Variants in XDH observed in about 807,000 individuals in gnomAD.
XDH encodes xanthine dehydrogenase, also known as xanthine dehydrogenase/oxidase.
In XDH, 138 loss-of-function variants were observed where a neutral mutation model predicts 156.1. That is an observed-to-expected ratio of 0.88 (90% CI 0.77 to 1.02). XDH has a LOEUF of 1.02. Ranked by LOEUF, XDH falls within the 50% of genes least tolerant of loss-of-function variation. The pLI, the probability that XDH is intolerant of heterozygous loss-of-function variation, is 0.00. For missense variants in XDH, 1,849 were observed against 1,684.9 expected (o/e 1.10, Z -1.71); for synonymous variants, 669 against 625.7 (o/e 1.07, Z -1.03).
At position 31,367,969 on chromosome 2, in the gene XDH, A is replaced by G; in HGVS notation, c.2189T>C (p.Val730Ala). 1.9e-6 allele frequency: 3 copies of G among 1,614,082 alleles called. No individual in the cohort carries two copies. Among genetic ancestry groups the G allele is most frequent in the Non-Finnish European group, 2.5e-6 (3 of 1,179,984 alleles). ...GCATGGAACAGCTCTACCTGACACA[A>G]CATTATCTGCTTCGGAAAACCCCTT... ...LKKGFSEADN[V>A]VSGEIYIGGQ... The change falls in exon 20 of 36, where the codon GTT becomes GCT. Residue 730 changes from valine (V) to alanine (A), a missense_variant. Transcript: ENST00000379416.
rs999346409 is a variant in XDH, at chr2:31,386,620, G to A, written c.652-65C>T. On this transcript the variant is annotated intron_variant, in intron 8 of 35. Transcript: ENST00000379416. ...CCTACTGTCATTCCTCTTATAAATTGCTTTAAGTCCTCAATGGGATGTTTT... is the reference window on the plus strand; with the variant it reads ...CCTACTGTCATTCCTCTTATAAATTACTTTAAGTCCTCAATGGGATGTTTT... 4.4e-6 allele frequency: 7 copies of A among 1,605,952 alleles called. No homozygotes were observed. The African/African-American group carries it at 9.4e-5, about 21-fold the overall frequency.
At position 31,386,500 on chromosome 2, in the gene XDH, C is replaced by G. The variant is rs759795029; in HGVS notation, c.707G>C (p.Trp236Ser). The G allele has an allele frequency of 1.2e-6, 2 of 1,614,114 alleles. No homozygotes were observed. The highest frequency in any genetic ancestry group is 1.7e-6 in the Non-Finnish European group (2 of 1,180,024). Residue 236 changes from tryptophan (W) to serine (S), a missense_variant, in exon 9 of 36, where the codon TGG (tryptophan) becomes TCG (serine). Trp to Ser is a radical substitution (Grantham distance 177, BLOSUM62 -3). Coordinates refer to ENST00000379416, the MANE Select transcript of XDH (RefSeq NM_000379.4). Reference protein sequence around the residue: ...QLRFEGERVTWIQASTLKELL... With the variant: ...QLRFEGERVTSIQASTLKELL... ...CTCCTTGAGGGTTGAGGCCTGTATCCACGTCACACGCTCCCCTTCAAATCG... is the reference window on the plus strand; with the variant it reads ...CTCCTTGAGGGTTGAGGCCTGTATCGACGTCACACGCTCCCCTTCAAATCG...
At chr2:31,413,584 G>A (rs1457570573) in intron 1 of XDH, among the ~76,000 whole-genome samples, 1 of 152,188 alleles carries the variant, frequency 6.6e-6, no homozygotes, top group African/African-American at 2.4e-5. Context: ...GTCCAGTGAA[G>A]CACATTATTG....
chr2:31,359,444 G>A (rs1353314866), intron 24 of XDH, among the ~76,000 whole-genome samples: 3 of 150,964 alleles, frequency 2.0e-5, no homozygotes, highest in East Asian at 1.9e-4. Context: ...CATCACAAGC[G>A]CCAGTGATGC....
intron 13 of XDH, among the ~76,000 whole-genome samples, chr2:31,378,118 G>GAAA (rs1686313538): frequency 2.7e-5 from 1 of 37,146 alleles, no homozygotes; most frequent in Non-Finnish European, 5.7e-5. Flanking sequence ...AAGGAAGGAA[G>GAAA]GAAGGAAGGA....
intron 26 of XDH, among the ~76,000 whole-genome samples, chr2:31,349,433 TGCC>T (rs1685396136): frequency 6.6e-6 from 1 of 152,144 alleles, no homozygotes; most frequent in African/African-American, 2.4e-5. Context: ...TCATACGGTG[TGCC>T]CAAAGGTTTA....
intron 13 of XDH, among the ~76,000 whole-genome samples, chr2:31,378,049 A>G (rs79592518): frequency 0.014 from 1,677 of 119,132 alleles, 74 homozygotes; most frequent in African/African-American, 0.055. Flanking sequence ...AGAAAGAGAA[A>G]GAAAGGAAGA....
chr2:31,336,736 T>G (rs978569402), intron 35 of XDH, among the ~76,000 whole-genome samples: 1 of 149,986 alleles, frequency 6.7e-6, no homozygotes, highest in Admixed American at 6.7e-5. Flanking sequence ...TGTCTGCCCC[T>G]GGGGTTCCTC....
intron 30 of XDH, among the ~76,000 whole-genome samples, chr2:31,345,446 C>T (rs1381033777): frequency 6.6e-6 from 1 of 152,200 alleles, no homozygotes; most frequent in East Asian, 1.9e-4. Flanking sequence ...CAAACACTAG[C>T]ACAGACTCAG....
chr2:31,343,940 A>G (rs1685212007), intron 31 of XDH, among the ~76,000 whole-genome samples: 1 of 151,892 alleles, frequency 6.6e-6, no homozygotes, highest in African/African-American at 2.4e-5. Context: ...ATGATATTTT[A>G]AAGAAACATT....
chr2:31,380,093 A>ATTTGCTCTGACTGTGG, intron 12 of XDH, 117 bp from the exon 13 acceptor site: 1 of 979,088 alleles, frequency 1.0e-6, no homozygotes. Flanking sequence ...GCCCACAGTC[A>ATTTGCTCTGACTGTGG]GAGCAAATGA....
At chr2:31,367,762 G>A (rs1685960163) in intron 20 of XDH, among the ~76,000 whole-genome samples, 199 bp downstream of exon 20, 1 of 152,174 alleles carries the variant, frequency 6.6e-6, no homozygotes, top group South Asian at 2.1e-4. Context: ...CCAGCCTAGA[G>A]ACAGGAGAGT....
rs779289358 is a variant in XDH at position 31,403,100 on chromosome 2, C to T, written c.145G>A (p.Gly49Arg). The T allele has an allele frequency of 1.4e-5, 22 of 1,614,072 alleles. No homozygotes were observed. Among genetic ancestry groups the T allele is most frequent in the South Asian group, 8.8e-5 (8 of 91,090 alleles). The change falls in exon 3 of 36, where the codon GGG (glycine) becomes AGG (arginine). Residue 49 changes from glycine (G) to arginine (R), a missense_variant. Gly to Arg is a moderately radical substitution (Grantham distance 125). Coordinates refer to ENST00000379416, the MANE Select transcript of XDH (RefSeq NM_000379.4). ...TTGGAGAGCATCACTGTGCAAGCCCCGCAGCCCCCCTCTCCACAGCCGAGC... is the reference window on the plus strand; with the variant it reads ...TTGGAGAGCATCACTGTGCAAGCCCTGCAGCCCCCCTCTCCACAGCCGAGC... ...TKLGCGEGGC[G>R]ACTVMLSKYD...
chr2:31,362,133 G>A (rs890132636), intron 24 of XDH, among the ~76,000 whole-genome samples: 2 of 152,034 alleles, frequency 1.3e-5, no homozygotes, highest in African/African-American at 4.8e-5. Flanking sequence ...TGCCTTTTGG[G>A]GTGAGTAGAG....
In XDH at chr2:31,349,686, T is replaced by C. The variant is rs756366742; in HGVS notation, c.2969A>G (p.Lys990Arg). The C allele has an allele frequency of 2.0e-5, 33 of 1,614,072 alleles. 1 individual carries two copies. The highest frequency in any genetic ancestry group is 4.0e-5 in the African/African-American group (3 of 74,918). ...CTGGACTTCTACTCCTAGTGCTTAC[T>C]TGTTGAACTTGTCAACCTCACTCTT... is the stretch of plus-strand genomic sequence containing the variant. ...ARKSEVDKFN[K>R]ENCWKKRGLC... Residue 990 changes from lysine to arginine, a missense_variant and splice_region_variant, in exon 26 of 36, where the codon AAG (lysine) becomes AGG (arginine). Transcript: ENST00000379416.
At chr2:31,413,968 A>G (rs1223637118) in intron 1 of XDH, among the ~76,000 whole-genome samples, 2 of 152,124 alleles carry the variant, frequency 1.3e-5, no homozygotes, top group African/African-American at 2.4e-5. Context: ...CTGTGTACCA[A>G]TAAGGTAAAT....
At position 31,377,724 on chromosome 2, in the gene XDH, C is replaced by T. The variant is rs115177404; in HGVS notation, c.1243-487G>A. On this transcript the variant is annotated intron_variant, in intron 13 of 35. Transcript: ENST00000379416. ...GCCTCTCCCACCAGTCTGTTGGCAT[C>T]GTTCAGAAATCTTGGTGAAAGAACC... Among the ~76,000 whole-genome samples, 1,278 of 152,146 alleles carry T rather than the reference C, an allele frequency of 8.4e-3. 6 individuals carry two copies. The highest frequency in any genetic ancestry group is 0.013 in the Non-Finnish European group (893 of 67,996).
At position 31,382,996 on chromosome 2, in the gene XDH, C is replaced by G; in HGVS notation, c.1038+5G>C. 1 of 1,614,162 alleles carries G rather than the reference C, an allele frequency of 6.2e-7. No homozygotes were observed. The highest frequency in any genetic ancestry group is 1.1e-5 in the South Asian group (1 of 91,072). On this transcript the variant is annotated splice_donor_5th_base_variant and intron_variant, in intron 11 of 35. Coordinates refer to ENST00000379416, the MANE Select transcript of XDH (RefSeq NM_000379.4). ...GGGCCTCGCTTGCTTCTGAGAGCGA[C>G]TCACCGCCACAGACTTGACTTGCTT...
chr2:31,352,465 C>A (rs1199929858), intron 24 of XDH, among the ~76,000 whole-genome samples: 1 of 152,136 alleles, frequency 6.6e-6, no homozygotes, highest in East Asian at 1.9e-4. Context: ...AATGATTTTT[C>A]TATGTCTCAA....
Sources: gnomAD v4.1 joint callset for allele counts (sites outside exome capture counted in the v4.1 genomes callset) on GRCh38, gnomAD v4.1.1 for gene constraint, MANE v1.5 for transcripts, NCBI Gene and HGNC (gene_info 2026-07-23, HGNC 2026-07-21) for gene names.